DLC1: variants seen among roughly 807,000 people sequenced by gnomAD.
DLC1 encodes rho GTPase-activating protein 7.
In DLC1, 54 loss-of-function variants were observed where a neutral mutation model predicts 140.3. The ratio of observed to expected loss-of-function variants is 0.38; its 90% confidence interval spans 0.31 to 0.48. The LOEUF is 0.48. Among genes scored for constraint, DLC1 ranks in the 20% least tolerant of loss-of-function variants. DLC1 has a pLI of 0.96. For missense variants in DLC1, 2,536 were observed against 1,907.0 expected, an observed-to-expected ratio of 1.33 and a Z score of -6.14; for synonymous variants, 986 against 728.1, an observed-to-expected ratio of 1.35 and a Z score of -5.70.
intron 5 of DLC1, among the ~76,000 whole-genome samples, chr8:13,166,289 G>A (rs951700158): frequency 1.3e-5 from 2 of 151,992 alleles, no homozygotes; most frequent in African/African-American, 4.8e-5. Context: ...TTTGATCAGG[G>A]CTATGGACCA....
At chr8:13,446,285 A>C (rs982950431) in intron 2 of DLC1, among the ~76,000 whole-genome samples, 11 of 152,352 alleles carry the variant, frequency 7.2e-5, no homozygotes, top group African/African-American at 2.6e-4. Context: ...AATTGTCGCA[A>C]AATTTACCTC....
rs76055716 is a variant in DLC1 at position 13,545,570 on chromosome 8, G to T, written c.-125-45374C>A. On this transcript the variant is annotated intron_variant, in intron 1 of 1. Transcript: ENST00000631382. ...GCTCAGTCAATTGTAAATTGAATTC[G>T]TGGTGTTGTTGAACTCTATTTGTGT... 4.6e-4 allele frequency among the ~76,000 whole-genome samples: 70 copies of T among 151,924 alleles called. No individual in the cohort carries two copies. The East Asian group carries it at 0.013, about 27-fold the overall frequency.
At chr8:13,338,764 T>C (rs1462949950) in intron 4 of DLC1, 1 of 152,196 alleles carries the variant, frequency 6.6e-6, no homozygotes, top group African/African-American at 2.4e-5. Flanking sequence ...GTGAGCTACC[T>C]GCCCAACTAG....
intron 2 of DLC1, among the ~76,000 whole-genome samples, chr8:13,485,691 C>A (rs1194064722): frequency 6.6e-6 from 1 of 152,216 alleles, no homozygotes. Context: ...ACATAACCCA[C>A]ACAACTATTG....
At chr8:13,471,330 G>C (rs1208771717) in intron 2 of DLC1, among the ~76,000 whole-genome samples, 3 of 151,832 alleles carry the variant, frequency 2.0e-5, no homozygotes, top group African/African-American at 7.3e-5. Context: ...AAGAGAAAAT[G>C]GTAACTATAT....
intron 1 of DLC1, among the ~76,000 whole-genome samples, chr8:13,565,252 T>C (rs997302144): frequency 1.3e-5 from 2 of 152,128 alleles, no homozygotes; most frequent in African/African-American, 4.8e-5. Context: ...GACACGATTA[T>C]AAAAAAGACA....
At chr8:13,197,065 T>C (rs1222367649) in intron 5 of DLC1, among the ~76,000 whole-genome samples, 2 of 152,232 alleles carry the variant, frequency 1.3e-5, no homozygotes, top group Non-Finnish European at 2.9e-5. Context: ...CCTATATTGC[T>C]TCCTGTTTTT....
chr8:13,103,496 A>G (rs1819281424), intron 7 of DLC1, among the ~76,000 whole-genome samples: 1 of 151,976 alleles, frequency 6.6e-6, no homozygotes, highest in East Asian at 1.9e-4. Flanking sequence ...CATTCTTCCA[A>G]TAACTCTTAG....
chr8:13,269,252 T>C (rs920390268), intron 5 of DLC1, among the ~76,000 whole-genome samples: 1 of 152,136 alleles, frequency 6.6e-6, no homozygotes, highest in African/African-American at 2.4e-5. Flanking sequence ...AGTCGTGAGT[T>C]TGACAATTAT....
Position 13,447,785 on chromosome 8 carries a change from T to G in DLC1, c.1024-46166A>C, listed in dbSNP as rs183540373. ...TAGTGTTGTTCTTTATTTTTATTGT[T>G]TGTTCTTTGTGTTTTTTTTCCTACC... On this transcript the variant is annotated intron_variant, in intron 2 of 17. Transcript: ENST00000276297. 9.3e-4 allele frequency among the ~76,000 whole-genome samples: 141 copies of G among 152,308 alleles called. 2 individuals carry two copies. Among genetic ancestry groups the G allele is most frequent in the Middle Eastern group, 3.4e-3 (1 of 294 alleles).
At chr8:13,231,730 T>C (rs1829054298) in intron 5 of DLC1, among the ~76,000 whole-genome samples, 1 of 152,232 alleles carries the variant, frequency 6.6e-6, no homozygotes, top group Admixed American at 6.5e-5. Flanking sequence ...GCATACATTA[T>C]TGAGCACAGC....
At chr8:13,540,619 G>A (rs545063167) in intron 1 of DLC1, among the ~76,000 whole-genome samples, 3 of 152,338 alleles carry the variant, frequency 2.0e-5, no homozygotes, top group African/African-American at 7.2e-5. Flanking sequence ...CAAAAAGCAT[G>A]CATTCAGATC....
At chr8:13,517,238 C>G (rs1017892907), upstream of DLC1, among the ~76,000 whole-genome samples, 1 of 152,142 alleles carries the variant, frequency 6.6e-6, no homozygotes. Flanking sequence ...AATATTATAT[C>G]AGCATCATGC....
intron 2 of DLC1, among the ~76,000 whole-genome samples, chr8:13,463,290 C>G (rs976036159): frequency 1.3e-5 from 2 of 151,942 alleles, no homozygotes; most frequent in Non-Finnish European, 2.9e-5. Context: ...GTTTCAGATT[C>G]TATTAGCTGC....
chr8:13,343,039 A>G (rs564429113), intron 4 of DLC1, among the ~76,000 whole-genome samples: 1 of 152,264 alleles, frequency 6.6e-6, no homozygotes, highest in East Asian at 1.9e-4. Flanking sequence ...AACGTTAATC[A>G]TCTCCACCCT....
intron 5 of DLC1, among the ~76,000 whole-genome samples, chr8:13,254,703 A>C (rs1326971505): frequency 9.2e-5 from 14 of 151,974 alleles, no homozygotes; most frequent in Admixed American, 9.2e-4. Flanking sequence ...CACAGTTAAA[A>C]AAAGGATATC....
At chr8:13,518,599 T>A, upstream of DLC1, among the ~76,000 whole-genome samples, 1 of 152,260 alleles carries the variant, frequency 6.6e-6, no homozygotes, top group East Asian at 1.9e-4. Context: ...AATAGTGTTT[T>A]ACTCTTTTAT....
chr8:13,178,003 T>G (rs1395566131), intron 5 of DLC1, among the ~76,000 whole-genome samples: 1 of 152,204 alleles, frequency 6.6e-6, no homozygotes, highest in Admixed American at 6.5e-5. Context: ...TATTTGATTC[T>G]TATTTCAGTA....
At chr8:13,391,039 T>C in intron 4 of DLC1, among the ~76,000 whole-genome samples, 1 of 151,904 alleles carries the variant, frequency 6.6e-6, no homozygotes, top group East Asian at 1.9e-4. Flanking sequence ...GTTACTCTTA[T>C]TATTGGCCAT....
Sources: gnomAD v4.1 joint callset for allele counts (sites outside exome capture counted in the v4.1 genomes callset) on GRCh38, gnomAD v4.1.1 for gene constraint, MANE v1.5 for transcripts, NCBI Gene and HGNC (gene_info 2026-07-23, HGNC 2026-07-21) for gene names.